PTPRZ1: variants seen among roughly 807,000 people sequenced by gnomAD.
PTPRZ1 encodes receptor-type tyrosine-protein phosphatase zeta.
PTPRZ1 carries 82 observed loss-of-function variants against 214.1 expected under a neutral mutation model. That is an observed-to-expected ratio of 0.38 (90% CI 0.32 to 0.46). The LOEUF is 0.46. Among genes scored for constraint, PTPRZ1 ranks in the 20% least tolerant of loss-of-function variants. The pLI is 1.00. For missense variants in PTPRZ1, 2,603 were observed against 2,748.7 expected (o/e 0.95, Z 1.19); for synonymous variants, 945 against 987.9 (o/e 0.96, Z 0.81).
intron 1 of PTPRZ1, among the ~76,000 whole-genome samples, chr7:121,904,000 A>AC (rs1554427275): frequency 1.2e-4 from 18 of 151,380 alleles, no homozygotes; most frequent in African/African-American, 4.1e-4. Context: ...ACACACACAC[A>AC]ATAGTAGGTG....
At chr7:121,951,959 A>ATT (rs1167301850) in intron 2 of PTPRZ1, among the ~76,000 whole-genome samples, 1 of 68,260 alleles carries the variant, frequency 1.5e-5, no homozygotes, top group African/African-American at 4.5e-5. Flanking sequence ...GTATTTATTT[A>ATT]TTTATTTTTT....
chr7:121,988,171 A>T (rs1262790337), intron 8 of PTPRZ1, among the ~76,000 whole-genome samples: 1 of 152,210 alleles, frequency 6.6e-6, no homozygotes, highest in Non-Finnish European at 1.5e-5. Context: ...ATAAAAGTTG[A>T]AGTAAAAATA....
chr7:122,033,974 T>C (rs1799461440), intron 15 of PTPRZ1, 121 bp from the exon 16 acceptor site: 1 of 818,220 alleles, frequency 1.2e-6, no homozygotes, highest in Admixed American at 2.7e-5. Flanking sequence ...ATTTGACAAA[T>C]GTATTTATTG....
At chr7:121,982,381 AT>A (rs1368078101) in intron 6 of PTPRZ1, among the ~76,000 whole-genome samples, 8 of 152,024 alleles carry the variant, frequency 5.3e-5, no homozygotes, top group African/African-American at 1.7e-4. Context: ...TTGGATTTTT[AT>A]TGAGATTTTA....
chr7:121,912,907 C>T (rs1312689062), intron 1 of PTPRZ1, among the ~76,000 whole-genome samples: 2 of 151,916 alleles, frequency 1.3e-5, no homozygotes, highest in African/African-American at 2.4e-5. Context: ...GGAACAGAGA[C>T]GGGTAAATGA....
Position 122,010,389 on chromosome 7 carries a change from A to G in PTPRZ1, c.1343A>G (p.Asp448Gly), listed in dbSNP as rs745915768. The G allele has an allele frequency of 6.2e-7, 1 of 1,614,050 alleles. No homozygotes were observed. Among genetic ancestry groups the G allele is most frequent in the Non-Finnish European group, 8.5e-7 (1 of 1,179,952 alleles). ...GGCGCTATTGTGAATCCTGGTAGAG[A>G]CAGTGCTACAAACCAAATCAGGAAA... ...EEGAIVNPGRDSATNQIRKKE... is the reference protein window; with the variant it reads ...EEGAIVNPGRGSATNQIRKKE... Residue 448 changes from aspartate to glycine, a missense_variant, in exon 12 of 30, where the codon GAC becomes GGC. Asp to Gly is a moderately conservative substitution (Grantham distance 94). Transcript: ENST00000393386.
chr7:121,960,654 A>G (rs934893042), intron 2 of PTPRZ1, among the ~76,000 whole-genome samples: 13 of 152,238 alleles, frequency 8.5e-5, no homozygotes, highest in African/African-American at 2.9e-4. Flanking sequence ...ATGAGAGAAA[A>G]TAAGAGGGAA....
In PTPRZ1 at chr7:121,967,833, T is replaced by C. The variant is rs1797088807; in HGVS notation, c.125-118T>C. The C allele has an allele frequency of 1.0e-5, 7 of 699,866 alleles. No individual in the cohort carries two copies. In the South Asian group the frequency reaches 1.2e-4, roughly 12 times the overall value. 43.4% of individuals were successfully genotyped at this position (699,866 alleles called of 1,614,324 possible). A position where few individuals can be genotyped will look rare whatever the true frequency, so the allele number is the denominator to read the frequency against. Reference sequence around the variant, plus strand: ...ATTATTTCATGCATTAGTTCAAAGATGTCAAACATTTTTCTACTATTGCAT... The same window carrying C: ...ATTATTTCATGCATTAGTTCAAAGACGTCAAACATTTTTCTACTATTGCAT... On this transcript the variant is annotated intron_variant, in intron 2 of 29. Transcript: ENST00000393386.
chr7:122,003,643 C>T (rs1010956433), intron 10 of PTPRZ1, among the ~76,000 whole-genome samples: 2 of 152,066 alleles, frequency 1.3e-5, no homozygotes, highest in Admixed American at 6.6e-5. Flanking sequence ...TAAATTTTGG[C>T]GATAGCCTGA....
intron 1 of PTPRZ1, chr7:121,908,633 A>G (rs1386270337): frequency 1.5e-5 from 6 of 408,874 alleles, no homozygotes; most frequent in African/African-American, 8.5e-5. Flanking sequence ...ACAAGTAACC[A>G]TACTTCAAGT....
At chr7:121,908,377 AC>A in intron 1 of PTPRZ1, 1 of 334,444 alleles carries the variant, frequency 3.0e-6, no homozygotes, top group Non-Finnish European at 5.7e-6. Flanking sequence ...AAGAATATCA[AC>A]TATACATCAT....
At chr7:122,033,163 T>C (rs1457224371) in intron 15 of PTPRZ1, among the ~76,000 whole-genome samples, 1 of 152,024 alleles carries the variant, frequency 6.6e-6, no homozygotes, top group Non-Finnish European at 1.5e-5. Context: ...TTTAACTCAC[T>C]GCCTGATTCA....
At position 122,004,650 on chromosome 7, in the gene PTPRZ1, A is replaced by C. The variant is rs1798430388; in HGVS notation, c.1277A>C (p.Glu426Ala). Residue 426 changes from glutamate (E) to alanine (A), a missense_variant, in exon 11 of 30, where the codon GAA becomes GCA. Around this residue, in one of 6 missense-constraint regions of PTPRZ1, gnomAD observed 244 missense variants for 333.2 expected, o/e 0.73. Coordinates refer to ENST00000393386, the MANE Select transcript of PTPRZ1 (RefSeq NM_002851.3). ...TTCCCTGAATTAATTGGAACTGAAG[A>C]AATAATCAAGGTATCATAGCCATTT... ...DLFPELIGTE[E>A]IIKEEEEGKD... 1 of 1,360,628 alleles carries C rather than the reference A, an allele frequency of 7.3e-7. No individual in the cohort carries two copies. The highest frequency in any genetic ancestry group is 1.4e-5 in the African/African-American group (1 of 69,076). The allele number at this position is 1,360,628 out of a possible 1,614,324, so 84.3% of individuals were successfully genotyped here. A position where few individuals can be genotyped will look rare whatever the true frequency, so the allele number is the denominator to read the frequency against.
At chr7:121,941,894 C>A (rs1435107781) in intron 2 of PTPRZ1, among the ~76,000 whole-genome samples, 3 of 152,094 alleles carry the variant, frequency 2.0e-5, no homozygotes, top group African/African-American at 4.8e-5. Flanking sequence ...GGAAAACGGT[C>A]ATATTATACA....
Position 121,976,255 on chromosome 7 carries a change from C to T in PTPRZ1, c.539C>T (p.Ser180Phe). Residue 180 changes from serine (S) to phenylalanine (F), a missense_variant, in exon 5 of 30, where the codon TCC becomes TTC. Ser to Phe is a radical substitution (Grantham distance 155). Coordinates refer to ENST00000393386, the MANE Select transcript of PTPRZ1 (RefSeq NM_002851.3). ...VKGKGKLRAL[S>F]ILFEVGTEEN... ...GGAAAAGGGAAGTTAAGAGCTTTAT[C>T]CATTTTGTTTGAGGTAATATATATA... 1 of 1,602,510 alleles carries T rather than the reference C, an allele frequency of 6.2e-7. No individual in the cohort carries two copies. The highest frequency in any genetic ancestry group is 8.5e-7 in the Non-Finnish European group (1 of 1,171,708).
At position 122,061,382 on chromosome 7, in the gene PTPRZ1, G is replaced by A; in HGVS notation, c.*162G>A. The A allele has an allele frequency of 2.0e-6, 1 of 508,288 alleles. No individual in the cohort carries two copies. Among genetic ancestry groups the A allele is most frequent in the Non-Finnish European group, 3.1e-6 (1 of 324,498 alleles). 31.5% of individuals were successfully genotyped at this position (508,288 alleles called of 1,614,324 possible). On this transcript the variant is annotated 3_prime_UTR_variant, in exon 30 of 30. Transcript: ENST00000393386. The stretch of plus-strand genomic sequence containing the variant: ...GCCAAATTTATATCATTAACAATGT[G>A]TGCCTTTTTGCAAGACTTGTAATTT...
At chr7:121,875,080 T>C (rs958323406) in intron 1 of PTPRZ1, among the ~76,000 whole-genome samples, 3 of 152,134 alleles carry the variant, frequency 2.0e-5, no homozygotes, top group Middle Eastern at 3.4e-3. Flanking sequence ...CATTATACAA[T>C]TCATCTTTTT....
At chr7:121,924,898 A>G (rs1469783907) in intron 1 of PTPRZ1, among the ~76,000 whole-genome samples, 1 of 152,202 alleles carries the variant, frequency 6.6e-6, no homozygotes, top group African/African-American at 2.4e-5. Context: ...TCAATTCTTT[A>G]TAATTTATTT....
chr7:122,048,381 GAAACATTTTT>G (rs1792065632), intron 23 of PTPRZ1, among the ~76,000 whole-genome samples: 1 of 152,006 alleles, frequency 6.6e-6, no homozygotes. Context: ...ATATAATTTA[GAAACATTTTT>G]AAACACAAAA....
Sources: allele counts gnomAD v4.1 joint callset (sites outside exome capture counted in the v4.1 genomes callset), GRCh38; gene constraint gnomAD v4.1.1; regional missense constraint gnomAD v4.1.1; transcripts MANE v1.5; gene names NCBI Gene and HGNC (gene_info 2026-07-23, HGNC 2026-07-21).